NCOR2: variants seen among roughly 807,000 people sequenced by gnomAD.
NCOR2 encodes nuclear receptor corepressor 2, also known as CTG repeat protein 26.
NCOR2 carries 81 observed loss-of-function variants against 262.9 expected under a neutral mutation model. That is an observed-to-expected ratio of 0.31 (90% CI 0.26 to 0.37). The LOEUF (loss-of-function observed/expected upper bound fraction) is 0.37, where lower values mean the gene tolerates loss of function less well. Ranked by LOEUF, NCOR2 falls within the 10% of genes least tolerant of loss-of-function variation. NCOR2 has a pLI of 1.00. For synonymous variants in NCOR2, 1,659 were observed against 1,559.3 expected, an observed-to-expected ratio of 1.06 and a Z score of -1.51; for missense variants, 3,385 against 3,621.4, an observed-to-expected ratio of 0.93 and a Z score of 1.68.
chr12:124,455,412 G>C (rs1353816816), intron 6 of NCOR2, among the ~76,000 whole-genome samples: 14 of 152,218 alleles, frequency 9.2e-5, no homozygotes, highest in Admixed American at 9.2e-4. Context: ...GCCCTGAAGG[G>C]GTGGGGGAGC....
chr12:124,450,055 T>C (rs2045423484), intron 6 of NCOR2, among the ~76,000 whole-genome samples, 188 bp from the exon 9 acceptor site: 1 of 151,884 alleles, frequency 6.6e-6, no homozygotes, highest in Non-Finnish European at 1.5e-5. Flanking sequence ...CTGAAACTGG[T>C]TCCTCGGGAA....
At chr12:124,433,845 TACACAC>T (rs1204258133) in intron 8 of NCOR2, among the ~76,000 whole-genome samples, 112 of 18,268 alleles carry the variant, frequency 6.1e-3, no homozygotes, top group African/African-American at 9.0e-3. Context: ...CTCTCTGTCT[TACACAC>T]ACACACACAC....
At chr12:124,506,687 G>A (rs539495120) in intron 1 of NCOR2, among the ~76,000 whole-genome samples, 2 of 152,248 alleles carry the variant, frequency 1.3e-5, no homozygotes, top group Non-Finnish European at 2.9e-5. Context: ...CAGGAGGGAC[G>A]TGTTTTCCAT....
intron 34 of NCOR2, among the ~76,000 whole-genome samples, chr12:124,341,234 C>A (rs921573556): frequency 1.3e-5 from 2 of 151,736 alleles, no homozygotes; most frequent in Non-Finnish European, 2.9e-5. Flanking sequence ...AACAGCCTCA[C>A]ATTTTCATCT....
intron 5 of NCOR2, among the ~76,000 whole-genome samples, chr12:124,461,261 G>A (rs989088659): frequency 2.0e-5 from 3 of 152,372 alleles, no homozygotes; most frequent in East Asian, 3.9e-4. Flanking sequence ...CCGCAGGGGA[G>A]GTGGCCAAGC....
intron 1 of NCOR2, among the ~76,000 whole-genome samples, chr12:124,551,877 A>T (rs1857398086): frequency 6.6e-6 from 1 of 152,226 alleles, no homozygotes; most frequent in African/African-American, 2.4e-5. Context: ...CCCTTGGGAA[A>T]GGCCGCGGCT....
At chr12:124,343,226 C>T in exon 33 of NCOR2, 1 of 1,607,408 alleles carries the variant, frequency 6.2e-7, no homozygotes, top group Non-Finnish European at 8.5e-7. Flanking sequence ...CGAAAGGCTG[C>T]CTGTGGACGG....
At chr12:124,453,123 C>T (rs1593609800) in intron 6 of NCOR2, among the ~76,000 whole-genome samples, 1 of 152,124 alleles carries the variant, frequency 6.6e-6, no homozygotes, top group South Asian at 2.1e-4. Context: ...GCTGAGGGGA[C>T]GCAGGGCCCG....
At chr12:124,515,677 G>C (rs899431027) in intron 1 of NCOR2, among the ~76,000 whole-genome samples, 2 of 152,048 alleles carry the variant, frequency 1.3e-5, no homozygotes, top group East Asian at 3.9e-4. Flanking sequence ...GTGAGTGTGA[G>C]TGTGCGAGTA....
intron 33 of NCOR2, 40 bp downstream of exon 35, chr12:124,342,965 C>T (rs2036584037): frequency 6.2e-7 from 1 of 1,602,428 alleles, no homozygotes; most frequent in African/African-American, 1.3e-5. Flanking sequence ...TGGCCCTGTT[C>T]AGCACCACTG....
At chr12:124,478,981 C>T (rs528323448) in intron 3 of NCOR2, among the ~76,000 whole-genome samples, 1 of 152,274 alleles carries the variant, frequency 6.6e-6, no homozygotes, top group Non-Finnish European at 1.5e-5. Context: ...GCAGAAAGAA[C>T]CACAGAGCAA....
chr12:124,399,641 T>C (rs1358633491), intron 15 of NCOR2, among the ~76,000 whole-genome samples: 1 of 152,136 alleles, frequency 6.6e-6, no homozygotes, highest in Non-Finnish European at 1.5e-5. Context: ...GACAGGTGCA[T>C]GACCCGGACC....
chr12:124,413,018 GA>G (rs1485162762), intron 13 of NCOR2, among the ~76,000 whole-genome samples: 3 of 152,334 alleles, frequency 2.0e-5, no homozygotes, highest in Admixed American at 6.5e-5. Flanking sequence ...CGCTGCCGGG[GA>G]AAGTGCACGG....
At chr12:124,331,982 C>T in intron 43 of NCOR2, 1 of 316,940 alleles carries the variant, frequency 3.2e-6, no homozygotes, top group Non-Finnish European at 6.1e-6. Flanking sequence ...GGGTGCAAAG[C>T]CACACAGGTG....
chr12:124,493,703 G>A (rs539645185), intron 1 of NCOR2, among the ~76,000 whole-genome samples: 1 of 152,284 alleles, frequency 6.6e-6, no homozygotes, highest in South Asian at 2.1e-4. Context: ...CTTTTTGTTG[G>A]TGGTGGTGAC....
At chr12:124,535,470 C>T (rs1338992368) in intron 1 of NCOR2, 95 bp downstream of exon 2, 2 of 152,406 alleles carry the variant, frequency 1.3e-5, no homozygotes, top group East Asian at 1.9e-4. Flanking sequence ...CCAGGCCGAA[C>T]CTGGCTCCGA....
chr12:124,494,678 C>A (rs2048283367), intron 1 of NCOR2, among the ~76,000 whole-genome samples: 1 of 152,178 alleles, frequency 6.6e-6, no homozygotes, highest in Non-Finnish European at 1.5e-5. Flanking sequence ...GGCCTCCTCA[C>A]CTCAGAGCCT....
intron 34 of NCOR2, among the ~76,000 whole-genome samples, chr12:124,341,613 C>A (rs1434313595): frequency 6.6e-6 from 1 of 152,234 alleles, no homozygotes; most frequent in Non-Finnish European, 1.5e-5. Context: ...ACTGAGGATG[C>A]AGCCAGGAGC....
chr12:124,442,760 C>A (rs913629988), intron 7 of NCOR2, among the ~76,000 whole-genome samples: 12 of 152,268 alleles, frequency 7.9e-5, no homozygotes, highest in African/African-American at 2.9e-4. Context: ...CCCAGCACCT[C>A]AAAACATGAC....
Sources: gnomAD v4.1 joint callset for allele counts (sites outside exome capture counted in the v4.1 genomes callset) on GRCh38, gnomAD v4.1.1 for gene constraint, MANE v1.5 for transcripts, NCBI Gene and HGNC (gene_info 2026-07-23, HGNC 2026-07-21) for gene names.